The following CNTNAP5 variants were observed in gnomAD, a reference collection of about 807,000 sequenced individuals.
The protein encoded by CNTNAP5 is contactin associated protein family member 5, also known as contactin-associated protein-like 5.
Under a neutral mutation model 150.2 loss-of-function variants are expected in CNTNAP5, and 72 were observed. The observed-to-expected ratio is 0.48, with a 90% CI of 0.40 to 0.58. The LOEUF (loss-of-function observed/expected upper bound fraction) is 0.58. Ranked by LOEUF, CNTNAP5 falls within the 20% of genes least tolerant of loss-of-function variation. The probability of loss-of-function intolerance (pLI) is 0.00; values close to 1 mark genes in which losing one functional copy is unlikely to be tolerated. For missense variants in CNTNAP5, 1,636 were observed against 1,626.2 expected (o/e 1.01, Z -0.10); for synonymous variants, 672 against 619.8 (o/e 1.08, Z -1.25).
intron 13 of CNTNAP5, among the ~76,000 whole-genome samples, chr2:124,731,860 G>A (rs966492740): frequency 2.0e-5 from 3 of 151,822 alleles, no homozygotes; most frequent in African/African-American, 7.3e-5. Flanking sequence ...GTATGAGTGT[G>A]AGTGTATGTG....
chr2:124,882,045 A>G (rs1029659912), intron 21 of CNTNAP5, among the ~76,000 whole-genome samples: 2 of 151,996 alleles, frequency 1.3e-5, no homozygotes, highest in Admixed American at 6.6e-5. Context: ...TATAGGTCCT[A>G]AAACTGAAGC....
intron 2 of CNTNAP5, among the ~76,000 whole-genome samples, chr2:124,225,502 C>T (rs1480546550): frequency 8.5e-5 from 13 of 152,104 alleles, no homozygotes; most frequent in Admixed American, 8.5e-4. Flanking sequence ...GTATAATTGA[C>T]AAATAAAACT....
At chr2:124,599,602 T>G (rs1296943117) in intron 11 of CNTNAP5, among the ~76,000 whole-genome samples, 2 of 152,254 alleles carry the variant, frequency 1.3e-5, no homozygotes, top group Admixed American at 1.3e-4. Context: ...TGGGAAGATA[T>G]CTTTCTTCTT....
intron 1 of CNTNAP5, among the ~76,000 whole-genome samples, chr2:124,076,791 A>G (rs1005253067): frequency 2.0e-5 from 3 of 152,144 alleles, no homozygotes; most frequent in African/African-American, 7.2e-5. Context: ...TCAAATTGGC[A>G]CTATGCAAAG....
intron 23 of CNTNAP5, 47 bp from the exon 24 acceptor site, chr2:124,914,045 T>C (rs1159496277): frequency 6.3e-6 from 9 of 1,424,386 alleles, no homozygotes; most frequent in Middle Eastern, 1.8e-4. Context: ...CCTGAGCAGA[T>C]GACTCATGAC....
intron 3 of CNTNAP5, among the ~76,000 whole-genome samples, chr2:124,399,934 C>T (rs28623448): frequency 0.025 from 3,745 of 152,210 alleles, 119 homozygotes; most frequent in African/African-American, 0.07. Context: ...TAAACTATAA[C>T]GTCATACCAG....
intron 7 of CNTNAP5, among the ~76,000 whole-genome samples, chr2:124,496,451 C>T (rs901910415): frequency 1.3e-5 from 2 of 152,178 alleles, no homozygotes; most frequent in Non-Finnish European, 2.9e-5. Flanking sequence ...TGTTTGATGC[C>T]TCATGACTGA....
At position 124,609,879 on chromosome 2, in the gene CNTNAP5, G is replaced by A. The variant is rs780652738; in HGVS notation, c.1835G>A (p.Ser612Asn). 1.9e-6 allele frequency: 3 copies of A among 1,613,942 alleles called. No homozygotes were observed. The highest frequency in any genetic ancestry group is 2.7e-5 in the African/African-American group (2 of 75,038). Residue 612 changes from serine (S) to asparagine (N), a missense_variant, in exon 12 of 24, where the codon AGC becomes AAC. Physicochemically the swap from Ser to Asn is conservative, Grantham distance 46. Coordinates refer to ENST00000682447, the MANE Select transcript of CNTNAP5 (RefSeq NM_001367498.1). ...AGFFYIDSDGSGPLGPLQVYC... is the reference protein window; with the variant it reads ...AGFFYIDSDGNGPLGPLQVYC... ...TTCTTCTACATCGACTCAGATGGCAGCGGCCCACTGGGACCTCTCCAGGTG... is the reference window on the plus strand; with the variant it reads ...TTCTTCTACATCGACTCAGATGGCAACGGCCCACTGGGACCTCTCCAGGTG...
At chr2:124,376,654 T>C (rs1017579182) in intron 3 of CNTNAP5, among the ~76,000 whole-genome samples, 19 of 152,244 alleles carry the variant, frequency 1.2e-4, no homozygotes, top group African/African-American at 4.1e-4. Context: ...AATTTGTGAT[T>C]GAATAGCTGT....
chr2:124,677,969 C>T (rs763789620), intron 13 of CNTNAP5, among the ~76,000 whole-genome samples: 6 of 151,918 alleles, frequency 3.9e-5, no homozygotes, highest in Non-Finnish European at 7.3e-5. Context: ...AAAACACCCC[C>T]AAGAATTCTG....
At chr2:124,055,200 G>A (rs1681812765) in intron 1 of CNTNAP5, among the ~76,000 whole-genome samples, 1 of 152,186 alleles carries the variant, frequency 6.6e-6, no homozygotes, top group African/African-American at 2.4e-5. Context: ...CCTAAGAAAG[G>A]ATGCTTGTGA....
At chr2:124,227,751 A>G (rs1027495408) in intron 2 of CNTNAP5, among the ~76,000 whole-genome samples, 2 of 151,362 alleles carry the variant, frequency 1.3e-5, no homozygotes, top group Non-Finnish European at 2.9e-5. Context: ...GGAACTGTGT[A>G]TTCAGAGACA....
intron 19 of CNTNAP5, among the ~76,000 whole-genome samples, chr2:124,846,582 T>A (rs1355478780): frequency 6.6e-6 from 1 of 152,174 alleles, no homozygotes; most frequent in Non-Finnish European, 1.5e-5. Context: ...AATTCAGAGA[T>A]TCCCTCTTGG....
chr2:124,723,300 T>TC (rs1300159513), intron 13 of CNTNAP5, among the ~76,000 whole-genome samples: 2 of 152,200 alleles, frequency 1.3e-5, no homozygotes, highest in Non-Finnish European at 2.9e-5. Flanking sequence ...CAATTCAGCC[T>TC]CTTTTTTTTA....
intron 3 of CNTNAP5, among the ~76,000 whole-genome samples, chr2:124,278,994 G>T (rs72962897): frequency 0.053 from 8,093 of 152,148 alleles, 645 homozygotes; most frequent in African/African-American, 0.17. Flanking sequence ...CTGAACACTT[G>T]CCAAGTGTCA....
chr2:124,635,225 T>C (rs1183836912), intron 12 of CNTNAP5, among the ~76,000 whole-genome samples: 2 of 152,108 alleles, frequency 1.3e-5, no homozygotes, highest in Non-Finnish European at 2.9e-5. Context: ...ATGACTTACA[T>C]GGTGGGAGCA....
rs572677461 is a variant in CNTNAP5 at position 124,175,205 on chromosome 2, A to G, written c.83-46500A>G. On this transcript the variant is annotated intron_variant, in intron 1 of 23. Coordinates refer to ENST00000682447, the MANE Select transcript of CNTNAP5 (RefSeq NM_001367498.1). ...AAGTTATGTCTGTATGGGCATGTAT[A>G]CATCACACAAGTGGGATCTACACAT... 1.8e-4 allele frequency among the ~76,000 whole-genome samples: 24 copies of G among 135,836 alleles called. 1 individual carries two copies. In the South Asian group the frequency reaches 5.4e-3, roughly 31 times the overall value. 89.1% of individuals were successfully genotyped at this position (135,836 alleles called of 152,430 possible).
At chr2:124,902,503 T>G (rs965297350) in intron 21 of CNTNAP5, among the ~76,000 whole-genome samples, 1 of 152,210 alleles carries the variant, frequency 6.6e-6, no homozygotes, top group Non-Finnish European at 1.5e-5. Context: ...CTTGCACTAA[T>G]CACCAGTATC....
intron 7 of CNTNAP5, among the ~76,000 whole-genome samples, chr2:124,490,204 T>G (rs554472411): frequency 1.3e-5 from 2 of 151,938 alleles, no homozygotes; most frequent in South Asian, 4.2e-4. Flanking sequence ...CATGGTGGTG[T>G]ACACCTATAG....
Sources: gnomAD v4.1 joint callset for allele counts (sites outside exome capture counted in the v4.1 genomes callset) on GRCh38, gnomAD v4.1.1 for gene constraint, MANE v1.5 for transcripts, NCBI Gene and HGNC (gene_info 2026-07-23, HGNC 2026-07-21) for gene names.